The following SRBD1 variants were observed in gnomAD, a reference collection of about 807,000 sequenced individuals.
The protein encoded by SRBD1 is S1 RNA-binding domain-containing protein 1.
A neutral mutation model predicts 115.3 loss-of-function variants in SRBD1; 88 were observed. The ratio of observed to expected loss-of-function variants is 0.76; its 90% CI spans 0.64 to 0.91. The LOEUF (loss-of-function observed/expected upper bound fraction) is 0.91, where lower values mean the gene tolerates loss of function less well. Ranked by LOEUF, SRBD1 falls within the 40% of genes least tolerant of loss-of-function variation. The pLI is 0.00. For synonymous variants in SRBD1, 509 were observed against 407.7 expected (o/e 1.25, Z -2.99); for missense variants, 1,385 against 1,177.4 (o/e 1.18, Z -2.58).
intron 14 of SRBD1, among the ~76,000 whole-genome samples, chr2:45,533,204 C>G (rs904272002): frequency 2.0e-5 from 3 of 151,972 alleles, no homozygotes; most frequent in African/African-American, 7.2e-5. Context: ...CCTCACACAT[C>G]TAATTTACCC....
At chr2:45,506,215 T>A (rs1474984990) in intron 14 of SRBD1, among the ~76,000 whole-genome samples, 2 of 152,170 alleles carry the variant, frequency 1.3e-5, no homozygotes, top group African/African-American at 4.8e-5. Flanking sequence ...ATATGATTAA[T>A]AATACAATCC....
At chr2:45,448,179 A>G (rs764859712) in intron 16 of SRBD1, 4 of 152,190 alleles carry the variant, frequency 2.6e-5, no homozygotes, top group Non-Finnish European at 4.4e-5. Flanking sequence ...ACAGATTTTG[A>G]ATCCAGGTAG....
chr2:45,412,958 T>A (rs1489910703), intron 19 of SRBD1, among the ~76,000 whole-genome samples, 156 bp downstream of exon 19: 1 of 152,204 alleles, frequency 6.6e-6, no homozygotes, highest in Non-Finnish European at 1.5e-5. Flanking sequence ...TGAAATGAAA[T>A]AATGTGCCAC....
chr2:45,414,671 A>G (rs1404854070), intron 18 of SRBD1, among the ~76,000 whole-genome samples: 3 of 150,616 alleles, frequency 2.0e-5, no homozygotes, highest in Non-Finnish European at 4.4e-5. Context: ...CACATAGTGT[A>G]TATAGTATGT....
chr2:45,607,654 A>T (rs975713093), intron 1 of SRBD1, among the ~76,000 whole-genome samples: 1 of 152,208 alleles, frequency 6.6e-6, no homozygotes, highest in Admixed American at 6.5e-5. Flanking sequence ...ATGAAGCAGT[A>T]GCTGATACCT....
At chr2:45,554,869 G>A (rs1672423138) in intron 10 of SRBD1, among the ~76,000 whole-genome samples, 1 of 151,904 alleles carries the variant, frequency 6.6e-6, no homozygotes, top group Non-Finnish European at 1.5e-5. Flanking sequence ...CTGCTCTATA[G>A]GTAACAACCT....
intron 16 of SRBD1, among the ~76,000 whole-genome samples, chr2:45,473,749 G>A (rs987299424): frequency 3.3e-5 from 5 of 152,126 alleles, no homozygotes; most frequent in Middle Eastern, 3.4e-3. Flanking sequence ...TCTTTATCAC[G>A]TATTCTGAAA....
chr2:45,599,766 G>C lies in SRBD1; in HGVS notation c.331C>G (p.Leu111Val). The stretch of plus-strand genomic sequence containing the variant: ...TTCTGTTTTGTCTTGGCTGTTTTCA[G>C]AGTCTGTACAGTATCCAATTTATTT... ...RKNKLDTVQTLKTAKTKQKCA... is the reference protein window; with the variant it reads ...RKNKLDTVQTVKTAKTKQKCA... Residue 111 changes from leucine (L) to valine (V), a missense_variant, in exon 4 of 21, where the codon CTG becomes GTG. Leu to Val is a conservative substitution (Grantham distance 32). Transcript: ENST00000263736. The C allele has an allele frequency of 1.2e-6, 2 of 1,614,182 alleles. No homozygotes were observed. Among genetic ancestry groups the C allele is most frequent in the Non-Finnish European group, 1.7e-6 (2 of 1,180,034 alleles).
At chr2:45,439,238 C>G (rs1028255414) in intron 16 of SRBD1, among the ~76,000 whole-genome samples, 2 of 151,700 alleles carry the variant, frequency 1.3e-5, no homozygotes, top group African/African-American at 4.8e-5. Flanking sequence ...ATTTTGCAGA[C>G]TAAAGGAAAT....
At chr2:45,579,825 A>T (rs765347574) in intron 7 of SRBD1, 50 bp downstream of exon 7, 3,584 of 162,864 alleles carry the variant, frequency 0.022, 44 homozygotes, top group South Asian at 0.069. Context: ...TTTTTAAATT[A>T]AAAAAAAAAA....
At chr2:45,501,494 C>T (rs1039138854) in intron 14 of SRBD1, among the ~76,000 whole-genome samples, 1 of 152,154 alleles carries the variant, frequency 6.6e-6, no homozygotes, top group African/African-American at 2.4e-5. Flanking sequence ...GGCAAGGCAT[C>T]GCCTCACCCA....
Position 45,393,060 on chromosome 2 carries a change from T to C in SRBD1, c.2583A>G (p.Ser861=), listed in dbSNP as rs1220282978. The C allele has an allele frequency of 9.3e-6, 15 of 1,613,962 alleles. No homozygotes were observed. In the African/African-American group the frequency reaches 1.5e-4, roughly 16 times the overall value. The part of the protein sequence containing the change: ...GKPEMQQKIN[S]FLEKEGMEKI... ...TCTCCATTCCTTCCTTTTCAAGGAA[T>C]GAATTTATTTTTTGTTGCATTTCAG... Residue 861 remains serine, a synonymous_variant, in exon 20 of 21, where the codon TCA becomes TCG. Coordinates refer to ENST00000263736, the MANE Select transcript of SRBD1 (RefSeq NM_018079.5).
chr2:45,569,859 C>G lies in SRBD1; in HGVS notation c.1305+3348G>C, dbSNP rs1206811130. Among the ~76,000 whole-genome samples, 3 of 152,290 alleles carry G rather than the reference C, an allele frequency of 2.0e-5. No individual in the cohort carries two copies. The East Asian group carries it at 5.8e-4, about 29-fold the overall frequency. ...GAAACTTAAGTAAAGAAAATGCAAA[C>G]AAAAGTGATTATACCATGCCAAGCT... On this transcript the variant is annotated intron_variant, in intron 9 of 20. Transcript: ENST00000263736.
chr2:45,482,641 CACACAA>C (rs1227347843), intron 15 of SRBD1, among the ~76,000 whole-genome samples: 3 of 151,524 alleles, frequency 2.0e-5, no homozygotes, highest in African/African-American at 7.3e-5. Flanking sequence ...CACACACACA[CACACAA>C]ACCCATGAAT....
chr2:45,410,028 G>C (rs957763516), intron 19 of SRBD1, among the ~76,000 whole-genome samples: 1 of 152,004 alleles, frequency 6.6e-6, no homozygotes, highest in South Asian at 2.1e-4. Context: ...TATATCTGCA[G>C]AATATATTAA....
At chr2:45,449,325 G>A (rs1007234500) in intron 16 of SRBD1, among the ~76,000 whole-genome samples, 3 of 152,168 alleles carry the variant, frequency 2.0e-5, no homozygotes, top group Admixed American at 6.5e-5. Flanking sequence ...AAGGACAGAG[G>A]AATGCCCTTT....
chr2:45,439,291 G>A lies in SRBD1; in HGVS notation c.2050-19397C>T, dbSNP rs184349017. ...TATATGGGTAAATATAAAATTGTGC[G>A]TGTTTATTCTAATTTTACTTAAAAG... On this transcript the variant is annotated intron_variant, in intron 16 of 20. Transcript: ENST00000263736. Among the ~76,000 whole-genome samples, 16 of 151,852 alleles carry A rather than the reference G, an allele frequency of 1.1e-4. No individual in the cohort carries two copies. In the East Asian group the frequency reaches 1.9e-3, roughly 18 times the overall value.
intron 14 of SRBD1, among the ~76,000 whole-genome samples, chr2:45,498,162 T>C (rs1376729359): frequency 1.3e-5 from 2 of 152,210 alleles, no homozygotes; most frequent in Non-Finnish European, 2.9e-5. Context: ...TCATTAATGA[T>C]GTAAACCATT....
intron 14 of SRBD1, among the ~76,000 whole-genome samples, chr2:45,518,964 TAAAAAAA>T (rs11362482): frequency 9.0e-6 from 1 of 111,156 alleles, no homozygotes; most frequent in Non-Finnish European, 2.0e-5. Context: ...CGAATAAGGC[TAAAAAAA>T]AAAAAAAAAA....
Sources: allele counts gnomAD v4.1 joint callset (sites outside exome capture counted in the v4.1 genomes callset), GRCh38; gene constraint gnomAD v4.1.1; transcripts MANE v1.5; gene names NCBI Gene and HGNC (gene_info 2026-07-23, HGNC 2026-07-21).